The following BABAM2 variants were observed in gnomAD, a reference collection of about 807,000 sequenced individuals.
BABAM2 encodes BRISC and BRCA1 A complex member 2.
Under a neutral mutation model 54.7 loss-of-function variants are expected in BABAM2, and 31 were observed. The ratio of observed to expected loss-of-function variants is 0.57; its 90% CI spans 0.43 to 0.77. The LOEUF is 0.77. BABAM2 is among the 30% of genes least tolerant of loss of function. The probability of loss-of-function intolerance (pLI) is 0.00; values close to 1 mark genes in which losing one functional copy is unlikely to be tolerated. For missense variants in BABAM2, 364 were observed against 455.8 expected (o/e 0.80, Z 1.83); for synonymous variants, 167 against 162.9 (o/e 1.03, Z -0.19).
At chr2:28,201,818 T>C (rs1678304377) in intron 7 of BABAM2, among the ~76,000 whole-genome samples, 1 of 152,016 alleles carries the variant, frequency 6.6e-6, no homozygotes, top group Non-Finnish European at 1.5e-5. Flanking sequence ...CAGGAACAGG[T>C]TGCAAAATGA....
intron 4 of BABAM2, 80 bp downstream of exon 4, chr2:27,988,167 A>T: frequency 7.4e-7 from 1 of 1,355,846 alleles, no homozygotes; most frequent in East Asian, 2.3e-5. Flanking sequence ...TGCTTAACAG[A>T]TAGATTTGTC....
At chr2:28,171,992 G>A (rs1674371004) in intron 7 of BABAM2, among the ~76,000 whole-genome samples, 1 of 152,146 alleles carries the variant, frequency 6.6e-6, no homozygotes, top group Admixed American at 6.5e-5. Flanking sequence ...CTTCAGGGAT[G>A]TGATTAAAAG....
intron 7 of BABAM2, among the ~76,000 whole-genome samples, chr2:28,142,864 T>C (rs1671179389): frequency 6.6e-6 from 1 of 152,240 alleles, no homozygotes; most frequent in South Asian, 2.1e-4. Context: ...TTATGGAGCA[T>C]GATATTTTAA....
At chr2:28,163,128 C>T (rs1006720758) in intron 7 of BABAM2, among the ~76,000 whole-genome samples, 12 of 152,220 alleles carry the variant, frequency 7.9e-5, no homozygotes, top group East Asian at 7.7e-4. Context: ...CGAAAAAAGA[C>T]GGTGGTGTCA....
intron 4 of BABAM2, among the ~76,000 whole-genome samples, chr2:28,010,077 T>A (rs1674282344): frequency 6.6e-6 from 1 of 152,192 alleles, no homozygotes; most frequent in Non-Finnish European, 1.5e-5. Context: ...CAAAGACACA[T>A]GTCAGTAATC....
At chr2:28,058,961 C>G (rs1327076654) in intron 6 of BABAM2, among the ~76,000 whole-genome samples, 1 of 152,188 alleles carries the variant, frequency 6.6e-6, no homozygotes. Flanking sequence ...CGAGCCCGCC[C>G]TGTGCCTTCT....
chr2:28,026,521 G>A (rs1425095797), intron 5 of BABAM2, among the ~76,000 whole-genome samples: 1 of 151,312 alleles, frequency 6.6e-6, no homozygotes, highest in African/African-American at 2.4e-5. Flanking sequence ...TCATAAGTGG[G>A]AGTTGAGCAG....
Position 28,288,822 on chromosome 2 carries a change from C to T in BABAM2, c.935-9516C>T, listed in dbSNP as rs549619971. 9.5e-4 allele frequency among the ~76,000 whole-genome samples: 144 copies of T among 152,254 alleles called. 1 individual carries two copies. Among genetic ancestry groups the T allele is most frequent in the African/African-American group, 3.3e-3 (136 of 41,552 alleles). The stretch of plus-strand genomic sequence containing the variant: ...GGCTGCCCTTCTCCCTGCGTGACAC[C>T]GCGTGTGTGCCTCTGCCATTGTCTT... On this transcript the variant is annotated intron_variant, in intron 10 of 11. Coordinates refer to ENST00000379624, the MANE Select transcript of BABAM2 (RefSeq NM_199191.3).
At chr2:27,915,503 A>G (rs1666896787) in intron 2 of BABAM2, among the ~76,000 whole-genome samples, 1 of 82,272 alleles carries the variant, frequency 1.2e-5, no homozygotes, top group Non-Finnish European at 2.4e-5. Flanking sequence ...TATAGTGTAT[A>G]ACAGTAGCAT....
chr2:28,338,373 T>G, intron 11 of BABAM2, 77 bp from the exon 12 acceptor site: 2 of 1,304,244 alleles, frequency 1.5e-6, no homozygotes, highest in Non-Finnish European at 2.2e-6. Flanking sequence ...TGAGTTAGCT[T>G]GAAAGCTCCC....
In BABAM2 at chr2:27,983,942, CTTTTTT is replaced by C; in HGVS notation, c.206-4037_206-4032del. On this transcript the variant is annotated intron_variant, in intron 3 of 11. Coordinates refer to ENST00000379624, the MANE Select transcript of BABAM2 (RefSeq NM_199191.3). ...TTTCCAATGTAGATACATTTTGTAC[CTTTTTT>C]TTTTTTTTTTTTTGCCAAATTGTTC... is the stretch of plus-strand genomic sequence containing the variant. 2.6e-4 allele frequency among the ~76,000 whole-genome samples: 8 copies of C among 31,140 alleles called. 1 individual carries two copies. Among genetic ancestry groups the C allele is most frequent in the Non-Finnish European group, 4.5e-4 (7 of 15,386 alleles). The allele number at this position is 31,140 out of a possible 152,430, so 20.4% of individuals were successfully genotyped here. A position where few individuals can be genotyped will look rare whatever the true frequency, so the allele number is the denominator to read the frequency against.
intron 3 of BABAM2, among the ~76,000 whole-genome samples, chr2:27,967,165 G>C (rs1222804555): frequency 6.6e-6 from 1 of 152,176 alleles, no homozygotes; most frequent in Non-Finnish European, 1.5e-5. Flanking sequence ...TACTTCACTG[G>C]AAGATGATAC....
At chr2:28,166,169 A>G (rs980764340) in intron 7 of BABAM2, among the ~76,000 whole-genome samples, 8 of 152,118 alleles carry the variant, frequency 5.3e-5, no homozygotes, top group Non-Finnish European at 8.8e-5. Context: ...AGAAAAATCA[A>G]TTTCTGTGTT....
intron 6 of BABAM2, among the ~76,000 whole-genome samples, chr2:28,048,848 G>T (rs930024194): frequency 7.2e-5 from 11 of 152,212 alleles, no homozygotes; most frequent in Non-Finnish European, 1.6e-4. Flanking sequence ...TTAACGAACA[G>T]CTAGTCATTA....
intron 11 of BABAM2, among the ~76,000 whole-genome samples, chr2:28,306,813 C>T (rs972530001): frequency 6.6e-6 from 1 of 151,710 alleles, no homozygotes; most frequent in Admixed American, 6.6e-5. Flanking sequence ...TCTCCTGCCT[C>T]AGCCTCCCGA....
chr2:28,287,508 C>T (rs1270571909), intron 10 of BABAM2, among the ~76,000 whole-genome samples: 1 of 152,196 alleles, frequency 6.6e-6, no homozygotes, highest in African/African-American at 2.4e-5. Flanking sequence ...CATCCACTAC[C>T]TACCGTGTGT....
intron 2 of BABAM2, among the ~76,000 whole-genome samples, chr2:27,922,224 A>C (rs1386578391): frequency 1.3e-5 from 2 of 152,248 alleles, no homozygotes; most frequent in Non-Finnish European, 1.5e-5. Context: ...AAATTTCATC[A>C]GTGCTGGATA....
intron 10 of BABAM2, among the ~76,000 whole-genome samples, chr2:28,278,263 A>G (rs568581845): frequency 6.6e-6 from 1 of 152,326 alleles, no homozygotes; most frequent in Non-Finnish European, 1.5e-5. Context: ...TGTAAGTCCA[A>G]TGGCAGAGGG....
intron 7 of BABAM2, among the ~76,000 whole-genome samples, chr2:28,197,020 T>C (rs1252224029): frequency 2.6e-5 from 4 of 151,676 alleles, no homozygotes; most frequent in South Asian, 2.1e-4. Context: ...ATTTTTTTGG[T>C]ATTTTTTATA....
Sources: gnomAD v4.1 joint callset for allele counts (sites outside exome capture counted in the v4.1 genomes callset) on GRCh38, gnomAD v4.1.1 for gene constraint, MANE v1.5 for transcripts, NCBI Gene and HGNC (gene_info 2026-07-23, HGNC 2026-07-21) for gene names.